SULF2: variants seen among roughly 807,000 people sequenced by gnomAD.
SULF2 encodes sulfatase 2.
SULF2 carries 52 observed loss-of-function variants against 107.7 expected under a neutral mutation model. The observed-to-expected ratio is 0.48, with a 90% CI of 0.39 to 0.61. The LOEUF (loss-of-function observed/expected upper bound fraction) is 0.61. Among genes scored for constraint, SULF2 ranks in the 20% least tolerant of loss-of-function variants. SULF2 has a pLI of 0.00. For synonymous variants in SULF2, 460 were observed against 464.3 expected (o/e 0.99, Z 0.12); for missense variants, 993 against 1,177.3 (o/e 0.84, Z 2.29).
intron 4 of SULF2, among the ~76,000 whole-genome samples, chr20:47,699,724 A>C (rs1034297073): frequency 3.3e-5 from 5 of 152,186 alleles, no homozygotes; most frequent in African/African-American, 4.8e-5. Context: ...GATTTTAGAA[A>C]AGTCTGAATT....
intron 11 of SULF2, among the ~76,000 whole-genome samples, chr20:47,668,741 C>T (rs2087361689): frequency 6.6e-6 from 1 of 152,132 alleles, no homozygotes; most frequent in Admixed American, 6.5e-5. Context: ...CTGCAGCTGA[C>T]GTCCTCACCT....
chr20:47,752,266 T>C lies in SULF2; in HGVS notation c.175+4923A>G, dbSNP rs544153919. Among the ~76,000 whole-genome samples the C allele has an allele frequency of 2.6e-5, 4 of 152,250 alleles. No homozygotes were observed. In the East Asian group the frequency reaches 7.7e-4, roughly 29 times the overall value. ...AGGTGCCAGGTATTCCTCACAAGAA[T>C]GCCAGGGAAACAGATCATCATCTCC... On this transcript the variant is annotated intron_variant, in intron 2 of 20. Transcript: ENST00000688720.
chr20:47,662,868 C>CAAAAAGCAGGGTGATGGAGGCA (rs1555823236), intron 17 of SULF2, among the ~76,000 whole-genome samples: 3 of 151,810 alleles, frequency 2.0e-5, no homozygotes, highest in Non-Finnish European at 4.4e-5. Context: ...GTGATGGAGG[C>CAAAAAGCAGGGTGATGGAGGCA]AAAAAGCAGG....
At chr20:47,748,224 C>T (rs2090087796) in intron 2 of SULF2, among the ~76,000 whole-genome samples, 1 of 152,220 alleles carries the variant, frequency 6.6e-6, no homozygotes, top group Admixed American at 6.5e-5. Context: ...TGTCCTGCTG[C>T]CCTCCTCCAA....
Position 47,765,531 on chromosome 20 carries a change from C to T in SULF2, c.-100-8068G>A, listed in dbSNP as rs529177928. Among the ~76,000 whole-genome samples, 7 of 152,210 alleles carry T rather than the reference C, an allele frequency of 4.6e-5. No homozygotes were observed. The East Asian group carries it at 1.2e-3, about 25-fold the overall frequency. On this transcript the variant is annotated intron_variant, in intron 1 of 20. Transcript: ENST00000688720. ...ATTGTGGGTGTGCAGATATGTCCCA[C>T]GGGCTGGGGCCAGAGCCCAGCAACA... is the stretch of plus-strand genomic sequence containing the variant.
At chr20:47,778,749 AG>A (rs1490311291) in intron 1 of SULF2, among the ~76,000 whole-genome samples, 5 of 152,222 alleles carry the variant, frequency 3.3e-5, no homozygotes, top group Non-Finnish European at 7.3e-5. Context: ...CCGAGCCTTC[AG>A]GAACTTCTTG....
intron 3 of SULF2, among the ~76,000 whole-genome samples, chr20:47,716,165 A>G (rs897265779): frequency 6.6e-6 from 1 of 152,222 alleles, no homozygotes; most frequent in Non-Finnish European, 1.5e-5. Context: ...AGTGATAGTT[A>G]TTATATTAGA....
At chr20:47,697,976 A>C (rs1342860296) in intron 4 of SULF2, among the ~76,000 whole-genome samples, 1 of 152,248 alleles carries the variant, frequency 6.6e-6, no homozygotes, top group Non-Finnish European at 1.5e-5. Flanking sequence ...TATTCCAAGG[A>C]GTCCATGCCG....
chr20:47,762,818 C>T (rs890905981), intron 1 of SULF2, among the ~76,000 whole-genome samples: 2 of 152,236 alleles, frequency 1.3e-5, no homozygotes, highest in East Asian at 1.9e-4. Flanking sequence ...GAGCACCCCC[C>T]ACTCCTGGGC....
chr20:47,660,490 C>T (rs1328629669), intron 18 of SULF2, among the ~76,000 whole-genome samples: 1 of 152,240 alleles, frequency 6.6e-6, no homozygotes, highest in African/African-American at 2.4e-5. Flanking sequence ...TCTAGGCATC[C>T]TCCTAGACAC....
intron 3 of SULF2, among the ~76,000 whole-genome samples, chr20:47,731,182 C>CTTTTTTTTTTTTTTTTTTTT (rs1342480404): frequency 8.2e-4 from 82 of 99,560 alleles, no homozygotes; most frequent in African/African-American, 3.0e-3. Flanking sequence ...TCACCTGTAT[C>CTTTTTTTTTTTTTTTTTTTT]TTCTCTTTTT....
intron 3 of SULF2, among the ~76,000 whole-genome samples, chr20:47,731,935 C>T (rs1213143320): frequency 6.6e-6 from 1 of 152,238 alleles, no homozygotes; most frequent in African/African-American, 2.4e-5. Context: ...AGGCTGAGCA[C>T]ATGCTGCCAC....
chr20:47,784,325 A>G (rs1457636011), intron 1 of SULF2, among the ~76,000 whole-genome samples: 2 of 152,168 alleles, frequency 1.3e-5, no homozygotes, highest in Admixed American at 6.5e-5. Flanking sequence ...TTTTAACTCA[A>G]AAAGTGATTA....
At chr20:47,689,047 CA>C (rs1438196872) in intron 5 of SULF2, among the ~76,000 whole-genome samples, 1 of 152,164 alleles carries the variant, frequency 6.6e-6, no homozygotes, top group Non-Finnish European at 1.5e-5. Flanking sequence ...TAGAGTACTA[CA>C]GGGGTGGGCA....
Position 47,666,494 on chromosome 20 carries a change from G to C in SULF2, c.1577-6C>G, listed in dbSNP as rs1261245980. On this transcript the variant is annotated splice_polypyrimidine_tract_variant and splice_region_variant and intron_variant, in intron 11 of 20. Transcript: ENST00000688720. This position sits in a 1 kb window ranked among gnomAD's most constrained non-coding sequence, Gnocchi z 5.4. The stretch of plus-strand genomic sequence containing the variant: ...GACATAGCTGGCCTTGTACTCTGTG[G>C]GCATTAGAGGAGTGGCAGAGTTAGG... 1 of 1,607,330 alleles carries C rather than the reference G, an allele frequency of 6.2e-7. No homozygotes were observed. The highest frequency in any genetic ancestry group is 8.5e-7 in the Non-Finnish European group (1 of 1,176,232).
chr20:47,717,769 G>A (rs1038413838), intron 3 of SULF2, among the ~76,000 whole-genome samples: 7 of 151,520 alleles, frequency 4.6e-5, no homozygotes, highest in African/African-American at 7.3e-5. Context: ...AGCCATAGTC[G>A]TTATCCAGAT....
At chr20:47,701,190 A>G (rs954902366) in intron 4 of SULF2, among the ~76,000 whole-genome samples, 1 of 152,216 alleles carries the variant, frequency 6.6e-6, no homozygotes, top group Non-Finnish European at 1.5e-5. Flanking sequence ...AGACTATACG[A>G]TTCCATTTAG....
At chr20:47,659,656 TAGG>T (rs777493397) in intron 19 of SULF2, 38 bp downstream of exon 19, 5 of 1,574,034 alleles carry the variant, frequency 3.2e-6, no homozygotes, top group Non-Finnish European at 4.4e-6. Context: ...TGGGCCAAGA[TAGG>T]AGAACTTTGT....
At chr20:47,744,594 T>C (rs1286600704) in intron 2 of SULF2, among the ~76,000 whole-genome samples, 8 of 152,052 alleles carry the variant, frequency 5.3e-5, no homozygotes, top group Admixed American at 1.3e-4. Flanking sequence ...GGGCTTTCTA[T>C]AGATGACCGA....
Sources: gnomAD v4.1 joint callset for allele counts (sites outside exome capture counted in the v4.1 genomes callset) on GRCh38, gnomAD v4.1.1 for gene constraint, Gnocchi (gnomAD v3.1) non-coding constraint, MANE v1.5 for transcripts, NCBI Gene and HGNC (gene_info 2026-07-23, HGNC 2026-07-21) for gene names.